Variants in KANK1 observed in about 807,000 individuals in gnomAD.
The protein encoded by KANK1 is KN motif and ankyrin repeat domain-containing protein 1.
A neutral mutation model predicts 106.2 loss-of-function variants in KANK1; 109 were observed. That is an observed-to-expected ratio of 1.03 (90% CI 0.88 to 1.20). The LOEUF is 1.20. KANK1 is among the 50% of genes most tolerant of loss of function. KANK1 has a pLI of 0.00. For synonymous variants in KANK1, 873 were observed against 652.2 expected, an observed-to-expected ratio of 1.34 and a Z score of -5.16; for missense variants, 2,399 against 1,710.7, an observed-to-expected ratio of 1.40 and a Z score of -7.10.
At chr9:672,573 G>C (rs1459935977) in intron 1 of KANK1, among the ~76,000 whole-genome samples, 1 of 138,690 alleles carries the variant, frequency 7.2e-6, no homozygotes, top group East Asian at 2.3e-4. Context: ...GCATTATCTT[G>C]TTTCTAACTG....
chr9:539,830 T>C (rs1188745695), intron 1 of KANK1, among the ~76,000 whole-genome samples: 5 of 151,214 alleles, frequency 3.3e-5, no homozygotes, highest in Admixed American at 3.3e-4. Flanking sequence ...ATTTTCTTTA[T>C]TTTTTAGATA....
At chr9:528,087 C>G (rs919408225) in intron 1 of KANK1, among the ~76,000 whole-genome samples, 1 of 150,474 alleles carries the variant, frequency 6.6e-6, no homozygotes, top group African/African-American at 2.5e-5. Flanking sequence ...GAGCCGAGAT[C>G]GTGCCACTGC....
chr9:745,085 G>T, intron 11 of KANK1, 88 bp from the exon 12 acceptor site: 1 of 1,554,708 alleles, frequency 6.4e-7, no homozygotes, highest in South Asian at 1.2e-5. Context: ...CTTGTTGCCT[G>T]TGGTGGGCCA....
intron 3 of KANK1, among the ~76,000 whole-genome samples, chr9:495,977 A>T (rs960184270): frequency 6.6e-6 from 1 of 152,038 alleles, no homozygotes; most frequent in Non-Finnish European, 1.5e-5. Flanking sequence ...AAACACACAC[A>T]CACACACACA....
intron 1 of KANK1, among the ~76,000 whole-genome samples, chr9:591,047 A>G (rs935649281): frequency 6.6e-6 from 1 of 151,852 alleles, no homozygotes; most frequent in Admixed American, 6.6e-5. Context: ...TAGACAGATG[A>G]ACATCTTTTC....
At chr9:556,809 G>C (rs1266621872) in intron 1 of KANK1, among the ~76,000 whole-genome samples, 1 of 152,042 alleles carries the variant, frequency 6.6e-6, no homozygotes, top group Non-Finnish European at 1.5e-5. Flanking sequence ...AGTTGAATGA[G>C]CTGCTTTCTC....
chr9:669,256 T>C (rs1845364988), intron 1 of KANK1, among the ~76,000 whole-genome samples: 1 of 152,158 alleles, frequency 6.6e-6, no homozygotes, highest in South Asian at 2.1e-4. Context: ...CACATGACAA[T>C]TAGAGTATTT....
chr9:516,967 C>A (rs1460855574), intron 1 of KANK1, among the ~76,000 whole-genome samples: 1 of 146,606 alleles, frequency 6.8e-6, no homozygotes, highest in African/African-American at 2.6e-5. Context: ...AGGTGTGCAT[C>A]TGAGTGTGGT....
At chr9:669,758 T>C (rs1028088845) in intron 1 of KANK1, among the ~76,000 whole-genome samples, 7 of 152,176 alleles carry the variant, frequency 4.6e-5, no homozygotes, top group Admixed American at 3.9e-4. Flanking sequence ...TCTACCTGGA[T>C]ATTTTTCTCA....
intron 1 of KANK1, among the ~76,000 whole-genome samples, chr9:542,752 A>G (rs1228467370): frequency 1.3e-5 from 2 of 152,226 alleles, no homozygotes; most frequent in African/African-American, 4.8e-5. Context: ...CATTTGCAGC[A>G]ATATAGATGA....
intron 2 of KANK1, 109 bp downstream of exon 2, chr9:677,118 G>A: frequency 1.0e-6 from 1 of 977,490 alleles, no homozygotes; most frequent in South Asian, 1.6e-5. Context: ...AGATAACTAG[G>A]ATTTCAAAGC....
chr9:521,125 G>T (rs2059529641), intron 1 of KANK1, among the ~76,000 whole-genome samples: 1 of 151,710 alleles, frequency 6.6e-6, no homozygotes, highest in East Asian at 1.9e-4. Context: ...TTATATAAAA[G>T]ATATGAAATC....
At chr9:594,413 G>A (rs1031646864) in intron 1 of KANK1, among the ~76,000 whole-genome samples, 2 of 151,720 alleles carry the variant, frequency 1.3e-5, no homozygotes, top group Admixed American at 6.6e-5. Flanking sequence ...TGAGAATTAG[G>A]GACAAATCAT....
chr9:555,136 C>T (rs2061503584), intron 1 of KANK1, among the ~76,000 whole-genome samples: 1 of 152,136 alleles, frequency 6.6e-6, no homozygotes. Flanking sequence ...ACAGTAGAAC[C>T]CCTGGATAGT....
intron 1 of KANK1, among the ~76,000 whole-genome samples, chr9:640,949 G>A (rs905615502): frequency 6.6e-6 from 1 of 152,098 alleles, no homozygotes; most frequent in Non-Finnish European, 1.5e-5. Flanking sequence ...GCCCGCCTCG[G>A]CCTCCCAAAG....
chr9:712,590 G>C lies in KANK1; in HGVS notation c.1824G>C (p.Glu608Asp), dbSNP rs777606920. The C allele has an allele frequency of 1.9e-6, 3 of 1,614,030 alleles. No homozygotes were observed. Among genetic ancestry groups the C allele is most frequent in the Non-Finnish European group, 2.5e-6 (3 of 1,179,878 alleles). Reference protein sequence around the residue: ...SVCETGSNTEESVNDLTLLKT... With the variant: ...SVCETGSNTEDSVNDLTLLKT... ...GCGAAACAGGCAGCAACACAGAGGA[G>C]TCTGTGAACGACCTCACACTCCTCA... The change falls in exon 3 of 12, where the codon GAG (glutamate) becomes GAC (aspartate). Residue 608 changes from glutamate to aspartate, a missense_variant. Transcript: ENST00000382297.
chr9:495,679 C>G (rs2058448453), intron 3 of KANK1: 1 of 152,364 alleles, frequency 6.6e-6, no homozygotes, highest in East Asian at 1.9e-4. Context: ...GTGGCGCAGT[C>G]TCTTTTCCTC....
intron 1 of KANK1, among the ~76,000 whole-genome samples, chr9:514,882 A>G (rs2059210096): frequency 6.6e-6 from 1 of 151,798 alleles, no homozygotes; most frequent in East Asian, 1.9e-4. Flanking sequence ...CGGTATTCCC[A>G]GCAGTGGTGT....
At position 520,233 on chromosome 9, in the gene KANK1, G is replaced by T. The variant is rs1458871676; in HGVS notation, c.-84+15479G>T. 2.0e-5 allele frequency among the ~76,000 whole-genome samples: 3 copies of T among 151,810 alleles called. 1 individual carries two copies. The highest frequency in any genetic ancestry group is 7.3e-5 in the African/African-American group (3 of 41,082). On this transcript the variant is annotated intron_variant, in intron 1 of 11. Transcript: ENST00000382297. ...CGCCCCTGTAGTCCCGGCTACCTGG[G>T]AGGTGGAGGTGGGAGGATCACCTCA...
Sources: allele counts gnomAD v4.1 joint callset (sites outside exome capture counted in the v4.1 genomes callset), GRCh38; gene constraint gnomAD v4.1.1; transcripts MANE v1.5; gene names NCBI Gene and HGNC (gene_info 2026-07-23, HGNC 2026-07-21).